The following MAF variants were observed in gnomAD, a reference collection of about 807,000 sequenced individuals.
The protein encoded by MAF is transcription factor Maf.
A neutral mutation model predicts 22.0 loss-of-function variants in MAF; 10 were observed. The observed-to-expected ratio is 0.45, with a 90% confidence interval of 0.28 to 0.77. MAF has a LOEUF of 0.77. Among genes scored for constraint, MAF ranks in the 30% least tolerant of loss-of-function variants. MAF has a pLI of 0.12. For synonymous variants in MAF, 337 were observed against 255.8 expected, an observed-to-expected ratio of 1.32 and a Z score of -3.03; for missense variants, 544 against 548.4, an observed-to-expected ratio of 0.99 and a Z score of 0.08.
the MAF span, among the ~76,000 whole-genome samples, chr16:79,277,815 G>T: frequency 6.6e-6 from 1 of 152,150 alleles, no homozygotes; most frequent in Non-Finnish European, 1.5e-5. Flanking sequence ...CAATAATTTG[G>T]AAGTGAGGAG....
chr16:79,241,366 A>G, the MAF span, among the ~76,000 whole-genome samples: 1 of 152,278 alleles, frequency 6.6e-6, no homozygotes, highest in Admixed American at 6.5e-5. Context: ...ATTGAGCTGA[A>G]AAACACAGCA....
chr16:79,471,661 G>A, the MAF span, among the ~76,000 whole-genome samples: 3 of 152,048 alleles, frequency 2.0e-5, no homozygotes, highest in African/African-American at 4.8e-5. Context: ...TGGGCATCAC[G>A]GCAAGGCACT....
Position 79,600,070 on chromosome 16 carries a change from A to AC in MAF, c.-169dup. ...GAAACCTCCGAGCGCGCTCACACAC[A>AC]CACCCCCCCGCCCTGCCCGCGCCCC... On this transcript the variant is annotated 5_prime_UTR_variant, in exon 1 of 2. Transcript: ENST00000326043. The AC allele has an allele frequency of 3.8e-6, 3 of 786,474 alleles. No individual in the cohort carries two copies. Among genetic ancestry groups the AC allele is most frequent in the Non-Finnish European group, 5.9e-6 (3 of 510,274 alleles). The allele number at this position is 786,474 out of a possible 1,614,324, so 48.7% of individuals were successfully genotyped here.
At chr16:79,447,279 A>T in the MAF span, among the ~76,000 whole-genome samples, 1 of 151,310 alleles carries the variant, frequency 6.6e-6, no homozygotes, top group Non-Finnish European at 1.5e-5. Flanking sequence ...AGCACATCTG[A>T]TTACAACATG....
chr16:79,356,367 T>A, the MAF span, among the ~76,000 whole-genome samples: 1 of 152,194 alleles, frequency 6.6e-6, no homozygotes, highest in Non-Finnish European at 1.5e-5. Flanking sequence ...CATGATGCAG[T>A]CTGGTGGCCT....
the MAF span, among the ~76,000 whole-genome samples, chr16:79,401,705 C>A: frequency 6.6e-6 from 1 of 151,930 alleles, no homozygotes; most frequent in Non-Finnish European, 1.5e-5. Context: ...AATTTTCGGG[C>A]CGTGTGGTAC....
the MAF span, among the ~76,000 whole-genome samples, chr16:79,474,786 T>C: frequency 6.6e-6 from 1 of 152,152 alleles, no homozygotes; most frequent in Non-Finnish European, 1.5e-5. Flanking sequence ...GACCATCCCA[T>C]GTCAGGAAAT....
At chr16:79,416,416 A>C in the MAF span, among the ~76,000 whole-genome samples, 1 of 152,060 alleles carries the variant, frequency 6.6e-6, no homozygotes, top group Admixed American at 6.5e-5. Flanking sequence ...AACTCTTCGA[A>C]ATATAGGTGC....
At chr16:79,424,247 G>T in the MAF span, among the ~76,000 whole-genome samples, 7 of 152,164 alleles carry the variant, frequency 4.6e-5, no homozygotes, top group African/African-American at 7.2e-5. Flanking sequence ...GCTTTGCCGA[G>T]ATGTTGAAAA....
the MAF span, among the ~76,000 whole-genome samples, chr16:79,279,976 G>C: frequency 6.6e-6 from 1 of 152,136 alleles, no homozygotes. Flanking sequence ...AAGTGTTCTC[G>C]ATGCTTTGAT....
chr16:79,315,054 G>A, the MAF span, among the ~76,000 whole-genome samples: 5 of 152,166 alleles, frequency 3.3e-5, no homozygotes, highest in Non-Finnish European at 5.9e-5. Context: ...CCTTTTGTCT[G>A]CTATATTATT....
At chr16:79,335,765 G>T in the MAF span, among the ~76,000 whole-genome samples, 1 of 152,200 alleles carries the variant, frequency 6.6e-6, no homozygotes, top group African/African-American at 2.4e-5. Context: ...ACTAGGATGG[G>T]TCTTGGCTGC....
At chr16:79,390,137 G>A in the MAF span, among the ~76,000 whole-genome samples, 1 of 152,008 alleles carries the variant, frequency 6.6e-6, no homozygotes, top group African/African-American at 2.4e-5. Flanking sequence ...GTATTCCCAA[G>A]TCTGGGGGTA....
the MAF span, among the ~76,000 whole-genome samples, chr16:79,395,822 A>T: frequency 6.6e-6 from 1 of 152,302 alleles, no homozygotes; most frequent in Middle Eastern, 3.4e-3. Flanking sequence ...AGGGAACTCA[A>T]ACAGTAGGGA....
chr16:79,465,276 C>G, the MAF span, among the ~76,000 whole-genome samples: 3 of 152,158 alleles, frequency 2.0e-5, no homozygotes, highest in Admixed American at 6.5e-5. Context: ...GGATGAAGAA[C>G]TGATGGCAGA....
chr16:79,468,069 G>A, the MAF span, among the ~76,000 whole-genome samples: 1 of 152,200 alleles, frequency 6.6e-6, no homozygotes, highest in Non-Finnish European at 1.5e-5. Flanking sequence ...AGACCTGGGT[G>A]CATCATGCAT....
chr16:79,479,344 G>C, the MAF span, among the ~76,000 whole-genome samples: 2 of 152,178 alleles, frequency 1.3e-5, no homozygotes, highest in Admixed American at 1.3e-4. Flanking sequence ...CCCCATGTAG[G>C]CGCCATAAAA....
chr16:79,418,819 C>T, the MAF span, among the ~76,000 whole-genome samples: 3 of 152,100 alleles, frequency 2.0e-5, no homozygotes, highest in Admixed American at 6.6e-5. Context: ...CAGAGAGATG[C>T]AGGCTCCTCA....
At chr16:79,203,100 A>G in the MAF span, 1 of 152,296 alleles carries the variant, frequency 6.6e-6, no homozygotes, top group South Asian at 2.1e-4. Context: ...ATCATTTCCT[A>G]CTAACTAGCA....
Sources: allele counts gnomAD v4.1 joint callset (sites outside exome capture counted in the v4.1 genomes callset), GRCh38; gene constraint gnomAD v4.1.1; transcripts MANE v1.5; gene names NCBI Gene and HGNC (gene_info 2026-07-23, HGNC 2026-07-21).